HCN1: variants seen among roughly 807,000 people sequenced by gnomAD.
HCN1 encodes potassium/sodium hyperpolarization-activated cyclic nucleotide-gated channel 1.
A neutral mutation model predicts 78.9 loss-of-function variants in HCN1; 13 were observed. The ratio of observed to expected loss-of-function variants is 0.16; its 90% CI spans 0.11 to 0.26. HCN1 has a LOEUF of 0.26. Ranked by LOEUF, HCN1 falls within the 10% of genes least tolerant of loss-of-function variation. The probability of loss-of-function intolerance (pLI) is 1.00; values close to 1 mark genes in which losing one functional copy is unlikely to be tolerated. For missense variants in HCN1, 810 were observed against 1,154.3 expected, an observed-to-expected ratio of 0.70 and a Z score of 4.32; for synonymous variants, 552 against 455.5, an observed-to-expected ratio of 1.21 and a Z score of -2.70.
At chr5:45,628,594 T>G (rs1426333849) in intron 2 of HCN1, among the ~76,000 whole-genome samples, 1 of 152,116 alleles carries the variant, frequency 6.6e-6, no homozygotes, top group Non-Finnish European at 1.5e-5. Context: ...GTATTACAAT[T>G]AAAAGGAATA....
intron 2 of HCN1, among the ~76,000 whole-genome samples, chr5:45,549,365 T>C (rs1481101308): frequency 6.6e-6 from 1 of 152,144 alleles, no homozygotes; most frequent in Non-Finnish European, 1.5e-5. Context: ...CATCTGATCT[T>C]TGACAAACCT....
rs528665272 is a variant in HCN1 at position 45,410,178 on chromosome 5, C to G, written c.1012-13468G>C. 2.6e-5 allele frequency among the ~76,000 whole-genome samples: 4 copies of G among 152,052 alleles called. No individual in the cohort carries two copies. In the East Asian group the frequency reaches 7.7e-4, roughly 29 times the overall value. On this transcript the variant is annotated intron_variant, in intron 3 of 7. Coordinates refer to ENST00000303230, the MANE Select transcript of HCN1 (RefSeq NM_021072.4). ...GATTATCACAAGAGCCTTGTGGTAG[C>G]AAGAACAGTCTTTATTATCTTCATT...
chr5:45,338,461 T>A lies in HCN1; in HGVS notation c.1377+14639A>T, dbSNP rs1746509392. The stretch of plus-strand genomic sequence containing the variant: ...TGATGAGCAATTCTAATCATGTATA[T>A]TAGATGTGTGTATACACATTTTAAT... On this transcript the variant is annotated intron_variant, in intron 5 of 7. Transcript: ENST00000303230. Among the ~76,000 whole-genome samples, 3 of 152,182 alleles carry A rather than the reference T, an allele frequency of 2.0e-5. No homozygotes were observed. In the South Asian group the frequency reaches 6.2e-4, roughly 31 times the overall value.
chr5:45,372,378 T>C (rs1302510933), intron 4 of HCN1, among the ~76,000 whole-genome samples: 1 of 113,566 alleles, frequency 8.8e-6, no homozygotes, highest in Non-Finnish European at 1.6e-5. Context: ...ACATATATAT[T>C]ATATAAATAT....
intron 4 of HCN1, among the ~76,000 whole-genome samples, chr5:45,379,366 T>C (rs1747757949): frequency 6.6e-6 from 1 of 152,144 alleles, no homozygotes; most frequent in Non-Finnish European, 1.5e-5. Flanking sequence ...TTTTCATTTT[T>C]CATGGTCTCT....
At chr5:45,656,137 G>A (rs746610106) in intron 1 of HCN1, among the ~76,000 whole-genome samples, 2 of 152,178 alleles carry the variant, frequency 1.3e-5, no homozygotes, top group African/African-American at 4.8e-5. Flanking sequence ...CACACCATAG[G>A]TACTCTGGGT....
intron 1 of HCN1, among the ~76,000 whole-genome samples, chr5:45,678,925 T>C (rs1158968739): frequency 6.6e-6 from 1 of 151,960 alleles, no homozygotes; most frequent in Non-Finnish European, 1.5e-5. Flanking sequence ...CATGATGAAC[T>C]ACAAATGAAG....
chr5:45,649,126 C>T (rs779347629), intron 1 of HCN1, among the ~76,000 whole-genome samples: 2 of 151,932 alleles, frequency 1.3e-5, no homozygotes, highest in Non-Finnish European at 2.9e-5. Context: ...ACTTCCATTC[C>T]AGCTATCTTT....
At chr5:45,343,990 T>C (rs890657093) in intron 5 of HCN1, among the ~76,000 whole-genome samples, 1 of 152,120 alleles carries the variant, frequency 6.6e-6, no homozygotes, top group African/African-American at 2.4e-5. Flanking sequence ...ATGCTGTTAA[T>C]AAAGACATAA....
intron 2 of HCN1, among the ~76,000 whole-genome samples, chr5:45,568,556 G>T (rs1743756495): frequency 6.6e-6 from 1 of 151,970 alleles, no homozygotes; most frequent in Non-Finnish European, 1.5e-5. Flanking sequence ...TAAAGTAGAA[G>T]ATTTCCCAGC....
intron 2 of HCN1, among the ~76,000 whole-genome samples, chr5:45,464,272 A>C (rs927217639): frequency 6.6e-6 from 1 of 152,078 alleles, no homozygotes; most frequent in Non-Finnish European, 1.5e-5. Flanking sequence ...CAATGATAAC[A>C]CTTTAGAAAC....
At chr5:45,658,846 T>A (rs1377883995) in intron 1 of HCN1, among the ~76,000 whole-genome samples, 1 of 149,988 alleles carries the variant, frequency 6.7e-6, no homozygotes, top group Admixed American at 6.7e-5. Flanking sequence ...CAGTCTGAGA[T>A]CAAACTGCAA....
intron 2 of HCN1, among the ~76,000 whole-genome samples, chr5:45,549,143 C>G (rs1743300000): frequency 6.6e-6 from 1 of 152,072 alleles, no homozygotes; most frequent in South Asian, 2.1e-4. Context: ...TTGGAAAAAT[C>G]TACTTTAAAG....
At chr5:45,674,293 G>T (rs1746221437) in intron 1 of HCN1, among the ~76,000 whole-genome samples, 1 of 151,388 alleles carries the variant, frequency 6.6e-6, no homozygotes. Context: ...GGAGAACTTA[G>T]AAGTCTATAT....
In HCN1 at chr5:45,425,111, G is replaced by T. The variant is rs909322703; in HGVS notation, c.1012-28401C>A. 2.0e-5 allele frequency among the ~76,000 whole-genome samples: 3 copies of T among 152,136 alleles called. No individual in the cohort carries two copies. The East Asian group carries it at 5.8e-4, about 29-fold the overall frequency. ...AACTGACAGCAAGGGATAAGTGGTG[G>T]TTTGTACTTTTTCTTGCCAAACTTT... On this transcript the variant is annotated intron_variant, in intron 3 of 7. Transcript: ENST00000303230.
At chr5:45,408,690 A>G (rs1392690196) in intron 3 of HCN1, among the ~76,000 whole-genome samples, 4 of 152,178 alleles carry the variant, frequency 2.6e-5, no homozygotes, top group Non-Finnish European at 5.9e-5. Context: ...ATGAACTTTC[A>G]CCAAGCAGCT....
At chr5:45,678,958 C>A (rs1469809582) in intron 1 of HCN1, among the ~76,000 whole-genome samples, 1 of 151,946 alleles carries the variant, frequency 6.6e-6, no homozygotes, top group Non-Finnish European at 1.5e-5. Context: ...TGTAGCCAAT[C>A]TTTGACTAAA....
chr5:45,484,267 T>TA (rs1487281656), intron 2 of HCN1, among the ~76,000 whole-genome samples: 3 of 151,568 alleles, frequency 2.0e-5, no homozygotes, highest in Non-Finnish European at 4.4e-5. Context: ...CTGCTTCTAC[T>TA]AAAAAAAATA....
chr5:45,300,773 C>G (rs1452628515), intron 6 of HCN1, among the ~76,000 whole-genome samples: 6 of 152,056 alleles, frequency 3.9e-5, no homozygotes, highest in Admixed American at 1.3e-4. Context: ...TCAATACTCT[C>G]TTTCTTTTTC....
Sources: gnomAD v4.1 joint callset for allele counts (sites outside exome capture counted in the v4.1 genomes callset) on GRCh38, gnomAD v4.1.1 for gene constraint, MANE v1.5 for transcripts, NCBI Gene and HGNC (gene_info 2026-07-23, HGNC 2026-07-21) for gene names.